ARHGEF4: variants seen among roughly 807,000 people sequenced by gnomAD.
ARHGEF4 encodes APC-stimulated guanine nucleotide exchange factor 1.
In ARHGEF4, 119 loss-of-function variants were observed where a neutral mutation model predicts 162.0. The ratio of observed to expected loss-of-function variants is 0.73; its 90% CI spans 0.63 to 0.86. ARHGEF4 has a LOEUF of 0.86. Ranked by LOEUF, ARHGEF4 falls within the 40% of genes least tolerant of loss-of-function variation. The probability of loss-of-function intolerance (pLI) is 0.00; values close to 1 mark genes in which losing one functional copy is unlikely to be tolerated. For missense variants in ARHGEF4, 2,488 were observed against 2,456.0 expected (o/e 1.01, Z -0.28); for synonymous variants, 1,014 against 979.9 (o/e 1.03, Z -0.65).
intron 1 of ARHGEF4, among the ~76,000 whole-genome samples, chr2:130,846,692 A>G (rs1278552998): frequency 6.6e-6 from 1 of 152,112 alleles, no homozygotes; most frequent in African/African-American, 2.4e-5. Flanking sequence ...GTCTTTCTTT[A>G]GCAGAAGGAG....
At chr2:131,033,123 G>C (rs1689980926) in intron 5 of ARHGEF4, among the ~76,000 whole-genome samples, 1 of 152,076 alleles carries the variant, frequency 6.6e-6, no homozygotes, top group Non-Finnish European at 1.5e-5. Context: ...AAAGTGCTGG[G>C]ATTACAGGTT....
At chr2:131,016,799 C>G (rs1264482285) in intron 4 of ARHGEF4, among the ~76,000 whole-genome samples, 1 of 152,208 alleles carries the variant, frequency 6.6e-6, no homozygotes, top group Non-Finnish European at 1.5e-5. Flanking sequence ...GTCTGGGGAC[C>G]ACACTTTGAG....
intron 4 of ARHGEF4, among the ~76,000 whole-genome samples, chr2:130,992,471 G>A (rs569944006): frequency 7.2e-5 from 11 of 151,996 alleles, no homozygotes; most frequent in African/African-American, 2.7e-4. Context: ...CTCCAGATGC[G>A]CTGCCTTAAG....
intron 5 of ARHGEF4, among the ~76,000 whole-genome samples, chr2:131,034,504 C>T (rs992185791): frequency 3.3e-5 from 5 of 152,172 alleles, no homozygotes; most frequent in Non-Finnish European, 5.9e-5. Context: ...TCGCTCCCAC[C>T]GGAGTTTAAA....
chr2:130,886,695 A>T (rs1343704449), intron 1 of ARHGEF4, among the ~76,000 whole-genome samples: 1 of 149,988 alleles, frequency 6.7e-6, no homozygotes, highest in East Asian at 1.9e-4. Context: ...AAAAAAAAAA[A>T]GGTTGGATGA....
At chr2:130,992,935 T>C (rs1294710910) in intron 4 of ARHGEF4, among the ~76,000 whole-genome samples, 4 of 151,936 alleles carry the variant, frequency 2.6e-5, no homozygotes, top group Non-Finnish European at 4.4e-5. Context: ...AATGCAAAAA[T>C]AAGGCAGGCG....
chr2:130,951,149 C>T (rs114405961), intron 4 of ARHGEF4, among the ~76,000 whole-genome samples: 1 of 152,190 alleles, frequency 6.6e-6, no homozygotes, highest in East Asian at 1.9e-4. Context: ...CTATCTAGAC[C>T]ACTAAAACTT....
At chr2:130,917,759 T>C (rs1681599204) in intron 2 of ARHGEF4, among the ~76,000 whole-genome samples, 1 of 152,246 alleles carries the variant, frequency 6.6e-6, no homozygotes, top group Non-Finnish European at 1.5e-5. Flanking sequence ...TTGAATTTTC[T>C]TTTGTATGAA....
chr2:130,871,554 T>C (rs554614906), intron 1 of ARHGEF4, among the ~76,000 whole-genome samples: 13 of 147,018 alleles, frequency 8.8e-5, no homozygotes, highest in South Asian at 4.2e-4. Context: ...TATATATATA[T>C]ACATATATAT....
rs932246010 is a variant in ARHGEF4, at chr2:130,916,383, G to A, written c.2437G>A (p.Gly813Arg). 5.9e-6 allele frequency: 9 copies of A among 1,534,750 alleles called. No individual in the cohort carries two copies. The East Asian group carries it at 1.7e-4, about 29-fold the overall frequency. Residue 813 changes from glycine (G) to arginine (R), a missense_variant, in exon 2 of 14, where the codon GGG becomes AGG. This residue lies in a region of ARHGEF4 where 1,642 missense variants were observed against 1,481.5 expected (regional missense o/e 1.11). Coordinates refer to ENST00000409359, the MANE Select transcript of ARHGEF4 (RefSeq NM_001367493.1). ...GRPLATESPG[G>R]VPAPTTEGRR... ...GCCCTTGGCCACTGAGAGCCCAGGA[G>A]GGGTCCCGGCCCCGACCACCGAGGG... is the stretch of plus-strand genomic sequence containing the variant.
chr2:130,969,504 C>G (rs1430587454), intron 4 of ARHGEF4, among the ~76,000 whole-genome samples: 2 of 151,814 alleles, frequency 1.3e-5, no homozygotes, highest in Admixed American at 1.3e-4. Flanking sequence ...GAGGCTGAGG[C>G]AGGAGAATGG....
At chr2:131,037,440 C>T (rs906008955) in intron 5 of ARHGEF4, among the ~76,000 whole-genome samples, 2 of 152,172 alleles carry the variant, frequency 1.3e-5, no homozygotes, top group African/African-American at 4.8e-5. Context: ...AGGATTCACA[C>T]AGTGCTTAGG....
At chr2:130,851,936 T>C (rs375715213) in intron 1 of ARHGEF4, among the ~76,000 whole-genome samples, 1 of 152,256 alleles carries the variant, frequency 6.6e-6, no homozygotes, top group East Asian at 1.9e-4. Context: ...GAACTTCAGT[T>C]TCCTTACCTG....
intron 5 of ARHGEF4, among the ~76,000 whole-genome samples, chr2:131,031,550 C>T (rs1573664904): frequency 6.6e-6 from 1 of 152,208 alleles, no homozygotes; most frequent in East Asian, 1.9e-4. Flanking sequence ...CTGTGTGGGC[C>T]CCTGCATTGT....
chr2:130,883,485 T>G (rs1574154522), intron 1 of ARHGEF4, among the ~76,000 whole-genome samples: 1 of 152,288 alleles, frequency 6.6e-6, no homozygotes, highest in East Asian at 1.9e-4. Flanking sequence ...CAGATGTCTC[T>G]TCTCTTCATC....
chr2:131,012,828 A>T (rs1478012113), intron 4 of ARHGEF4, among the ~76,000 whole-genome samples: 1 of 152,100 alleles, frequency 6.6e-6, no homozygotes. Context: ...TGATCCGCCC[A>T]CCTTGGCCTC....
chr2:130,939,128 TC>T (rs1683130691), intron 3 of ARHGEF4, among the ~76,000 whole-genome samples: 1 of 152,144 alleles, frequency 6.6e-6, no homozygotes, highest in Non-Finnish European at 1.5e-5. Flanking sequence ...AATGTTTAGC[TC>T]CCACTTATGA....
Position 131,043,447 on chromosome 2 carries a change from C to A in ARHGEF4, c.5026-5C>A. The A allele has an allele frequency of 6.2e-7, 1 of 1,613,794 alleles. No homozygotes were observed. The highest frequency in any genetic ancestry group is 1.3e-5 in the African/African-American group (1 of 75,050). The stretch of plus-strand genomic sequence containing the variant: ...GGCTCATGGTTCTCCTTGGGATCTT[C>A]CCAGGGAGAAGATCTCTTGGTCAGG... On this transcript the variant is annotated splice_polypyrimidine_tract_variant and splice_region_variant and intron_variant, in intron 10 of 13. Coordinates refer to ENST00000409359, the MANE Select transcript of ARHGEF4 (RefSeq NM_001367493.1).
At chr2:130,909,084 G>A (rs1681016700) in intron 1 of ARHGEF4, among the ~76,000 whole-genome samples, 1 of 152,182 alleles carries the variant, frequency 6.6e-6, no homozygotes, top group Non-Finnish European at 1.5e-5. Context: ...GGGGAGTGAG[G>A]AAGGGAATGG....
Sources: allele counts gnomAD v4.1 joint callset (sites outside exome capture counted in the v4.1 genomes callset), GRCh38; gene constraint gnomAD v4.1.1; regional missense constraint gnomAD v4.1.1; transcripts MANE v1.5; gene names NCBI Gene and HGNC (gene_info 2026-07-23, HGNC 2026-07-21).